The following CDK19 variants were observed in gnomAD, a reference collection of about 807,000 sequenced individuals.
CDK19 encodes the protein cyclin-dependent kinase 19.
A neutral mutation model predicts 68.3 loss-of-function variants in CDK19; 20 were observed. The observed-to-expected ratio is 0.29, with a 90% CI of 0.21 to 0.43. The LOEUF is 0.43. Among genes scored for constraint, CDK19 ranks in the 20% least tolerant of loss-of-function variants. The pLI is 1.00. For synonymous variants in CDK19, 221 were observed against 222.8 expected, an observed-to-expected ratio of 0.99 and a Z score of 0.07; for missense variants, 339 against 623.5, an observed-to-expected ratio of 0.54 and a Z score of 4.86.
chr6:110,650,802 G>A (rs763812484), intron 4 of CDK19, among the ~76,000 whole-genome samples: 7 of 152,086 alleles, frequency 4.6e-5, no homozygotes, highest in African/African-American at 7.2e-5. Flanking sequence ...ATAAAGAGAG[G>A]AAACCCAAGG....
At chr6:110,688,222 C>G (rs1772659652) in intron 2 of CDK19, among the ~76,000 whole-genome samples, 1 of 151,908 alleles carries the variant, frequency 6.6e-6, no homozygotes, top group African/African-American at 2.4e-5. Context: ...CTCATCTCTA[C>G]TAAAAATAAA....
chr6:110,665,758 ATTTGT>A (rs1423842287), intron 4 of CDK19, among the ~76,000 whole-genome samples: 1 of 152,050 alleles, frequency 6.6e-6, no homozygotes, highest in Non-Finnish European at 1.5e-5. Flanking sequence ...CTTTTTGTTT[ATTTGT>A]TTTGAGATAC....
intron 1 of CDK19, among the ~76,000 whole-genome samples, chr6:110,799,142 T>C (rs562919969): frequency 1.2e-4 from 7 of 57,126 alleles, no homozygotes; most frequent in African/African-American, 5.0e-4. Flanking sequence ...AAACCCTGTA[T>C]TTAAAAAAAA....
intron 4 of CDK19, chr6:110,646,019 G>A: frequency 5.1e-6 from 5 of 972,914 alleles, no homozygotes; most frequent in Admixed American, 2.0e-5. Context: ...GTGTGCGGTC[G>A]CGGGACCTGC....
At chr6:110,628,521 A>G (rs1325475983) in intron 6 of CDK19, among the ~76,000 whole-genome samples, 11 of 152,170 alleles carry the variant, frequency 7.2e-5, no homozygotes, top group Non-Finnish European at 1.0e-4. Flanking sequence ...CCCTCTGTTC[A>G]TCCACACTGT....
intron 2 of CDK19, among the ~76,000 whole-genome samples, chr6:110,675,881 A>G (rs904134894): frequency 6.6e-6 from 1 of 152,216 alleles, no homozygotes; most frequent in Admixed American, 6.5e-5. Context: ...CCTGTTTGCT[A>G]ACACAACATC....
chr6:110,667,366 A>G, intron 4 of CDK19, 68 bp downstream of exon 4: 4 of 1,049,188 alleles, frequency 3.8e-6, no homozygotes, highest in Non-Finnish European at 5.5e-6. Context: ...AATGGTACCA[A>G]GAAGAAAATA....
intron 1 of CDK19, among the ~76,000 whole-genome samples, chr6:110,796,229 T>C (rs918552554): frequency 2.6e-5 from 4 of 151,812 alleles, no homozygotes; most frequent in African/African-American, 9.7e-5. Flanking sequence ...TCCCAGCTAC[T>C]TGGGAGGCTG....
At chr6:110,764,554 C>T (rs1049002275) in intron 1 of CDK19, among the ~76,000 whole-genome samples, 7 of 152,126 alleles carry the variant, frequency 4.6e-5, no homozygotes, top group African/African-American at 1.2e-4. Flanking sequence ...GACAACTGGA[C>T]GTGCATATGC....
intron 2 of CDK19, among the ~76,000 whole-genome samples, chr6:110,724,438 C>T (rs1022892329): frequency 2.0e-5 from 3 of 152,070 alleles, no homozygotes; most frequent in Non-Finnish European, 4.4e-5. Context: ...TCCTTAGGGA[C>T]ACCAAGGTGG....
At chr6:110,619,768 T>C (rs1246623763) in intron 12 of CDK19, among the ~76,000 whole-genome samples, 1 of 152,012 alleles carries the variant, frequency 6.6e-6, no homozygotes, top group East Asian at 1.9e-4. Flanking sequence ...TCTCCACTTG[T>C]CATGTAGGAG....
chr6:110,670,568 A>G (rs761364706), intron 2 of CDK19, 27 bp from the exon 3 acceptor site: 2 of 1,325,706 alleles, frequency 1.5e-6, no homozygotes, highest in South Asian at 2.4e-5. Context: ...GAGAGGGGTC[A>G]CTGTTGTGTT....
chr6:110,704,741 C>A (rs1470589177), intron 2 of CDK19, among the ~76,000 whole-genome samples: 3 of 152,006 alleles, frequency 2.0e-5, no homozygotes, highest in African/African-American at 7.3e-5. Context: ...GGCATGTGTT[C>A]TACAACTATA....
intron 1 of CDK19, among the ~76,000 whole-genome samples, chr6:110,755,049 T>C (rs1720519372): frequency 6.6e-6 from 1 of 151,316 alleles, no homozygotes; most frequent in South Asian, 2.1e-4. Flanking sequence ...TCCTTTTTTT[T>C]TTTTTTTTGA....
intron 4 of CDK19, among the ~76,000 whole-genome samples, chr6:110,662,416 A>G (rs894400378): frequency 2.0e-5 from 3 of 152,216 alleles, no homozygotes; most frequent in African/African-American, 7.2e-5. Context: ...TGATAGTTCA[A>G]TTTATATCAC....
chr6:110,796,211 G>A (rs994555197), intron 1 of CDK19, among the ~76,000 whole-genome samples: 3 of 151,844 alleles, frequency 2.0e-5, no homozygotes, highest in Non-Finnish European at 4.4e-5. Context: ...GGCGGTGCAC[G>A]CCTGTAGTCC....
At chr6:110,693,420 C>T (rs898219985) in intron 2 of CDK19, among the ~76,000 whole-genome samples, 2 of 152,260 alleles carry the variant, frequency 1.3e-5, no homozygotes, top group East Asian at 1.9e-4. Context: ...TGGAAAGAGC[C>T]CTGCAGGCAC....
chr6:110,810,104 C>G (rs201521326), intron 1 of CDK19, among the ~76,000 whole-genome samples: 1 of 152,082 alleles, frequency 6.6e-6, no homozygotes, highest in Non-Finnish European at 1.5e-5. Context: ...CCAGAAAATA[C>G]GAGTTCAATG....
chr6:110,618,629 T>G (rs1262438237), intron 12 of CDK19, among the ~76,000 whole-genome samples: 1 of 152,214 alleles, frequency 6.6e-6, no homozygotes, highest in Non-Finnish European at 1.5e-5. Flanking sequence ...GGTATCAAAG[T>G]TGTATGCCTT....
Sources: gnomAD v4.1 joint callset for allele counts (sites outside exome capture counted in the v4.1 genomes callset) on GRCh38, gnomAD v4.1.1 for gene constraint, MANE v1.5 for transcripts, NCBI Gene and HGNC (gene_info 2026-07-23, HGNC 2026-07-21) for gene names.